HAPSTR1: variants seen among roughly 807,000 people sequenced by gnomAD.
The protein encoded by HAPSTR1 is HUWE1-associated protein modifying stress responses 1.
the HAPSTR1 span, among the ~76,000 whole-genome samples, chr16:9,095,115 A>G: frequency 6.6e-6 from 1 of 152,216 alleles, no homozygotes; most frequent in East Asian, 1.9e-4. Context: ...GTTAGTCTGA[A>G]CTAGTTTTAT....
chr16:9,092,852 C>T, the HAPSTR1 span: 16,373 of 1,400,690 alleles, frequency 0.012, 132 homozygotes, highest in Non-Finnish European at 0.013. Flanking sequence ...TTCTTGTTCT[C>T]TTTCTTTCTC....
the HAPSTR1 span, chr16:9,092,334 T>C: frequency 2.1e-5 from 27 of 1,283,998 alleles, no homozygotes; most frequent in African/African-American, 4.7e-5. Flanking sequence ...GCCCCGGCCC[T>C]ATCGGCTCAG....
the HAPSTR1 span, chr16:9,119,851 T>C: frequency 6.6e-6 from 1 of 152,248 alleles, no homozygotes; most frequent in Non-Finnish European, 1.5e-5. Context: ...ATTGTGGCTT[T>C]GGGCCTGAAG....
At chr16:9,092,901 T>C in the HAPSTR1 span, 1 of 1,544,070 alleles carries the variant, frequency 6.5e-7, no homozygotes, top group Non-Finnish European at 8.7e-7. Context: ...GGTTTTTTTT[T>C]TTTTTGGCTT....
chr16:9,092,254 G>T, the HAPSTR1 span: 1 of 1,569,236 alleles, frequency 6.4e-7, no homozygotes. Context: ...CCACCGCCGT[G>T]GCCCAGCTCT....
the HAPSTR1 span, chr16:9,091,883 C>T: frequency 1.0e-5 from 5 of 489,714 alleles, no homozygotes; most frequent in South Asian, 1.9e-4. Flanking sequence ...GGGCGGGGCT[C>T]GCCGGCCGTC....
the HAPSTR1 span, chr16:9,103,416 A>T: frequency 1.7e-3 from 1,307 of 749,126 alleles, 18 homozygotes; most frequent in African/African-American, 0.02. Context: ...CTAAGAACTT[A>T]ATATGGGCGA....
At chr16:9,101,670 T>G in the HAPSTR1 span, among the ~76,000 whole-genome samples, 1 of 152,198 alleles carries the variant, frequency 6.6e-6, no homozygotes, top group Non-Finnish European at 1.5e-5. Flanking sequence ...AAGTTCTGGT[T>G]GTTGTGCTTC....
the HAPSTR1 span, chr16:9,118,883 C>G: frequency 6.5e-6 from 1 of 152,716 alleles, no homozygotes; most frequent in South Asian, 2.1e-4. Context: ...GCTCCTCTTT[C>G]CACGTTGGAT....
the HAPSTR1 span, among the ~76,000 whole-genome samples, chr16:9,096,926 T>C: frequency 2.0e-5 from 3 of 152,174 alleles, no homozygotes; most frequent in Non-Finnish European, 2.9e-5. Flanking sequence ...GACTGCTTTT[T>C]TTGTGTGTAG....
the HAPSTR1 span, among the ~76,000 whole-genome samples, chr16:9,096,847 T>A: frequency 2.4e-4 from 36 of 152,300 alleles, no homozygotes; most frequent in African/African-American, 7.0e-4. Flanking sequence ...AATTTTTTTT[T>A]AATGAAAAAA....
the HAPSTR1 span, chr16:9,120,759 C>T: frequency 6.9e-6 from 1 of 145,428 alleles, no homozygotes; most frequent in Non-Finnish European, 1.5e-5. Flanking sequence ...CTCACCACAA[C>T]CTCTGCCTCC....
At chr16:9,094,062 A>C in the HAPSTR1 span, among the ~76,000 whole-genome samples, 2 of 152,076 alleles carry the variant, frequency 1.3e-5, no homozygotes, top group African/African-American at 2.4e-5. Context: ...CAAGTTGTTA[A>C]TTTTTGCATA....
chr16:9,116,881 C>T, the HAPSTR1 span: 5 of 1,614,144 alleles, frequency 3.1e-6, no homozygotes, highest in Non-Finnish European at 4.2e-6. Context: ...ATTACAGACT[C>T]ACCAACCCAT....
chr16:9,096,964 C>G, the HAPSTR1 span, among the ~76,000 whole-genome samples: 1 of 151,880 alleles, frequency 6.6e-6, no homozygotes, highest in Admixed American at 6.6e-5. Flanking sequence ...TTTTTGGAGA[C>G]GAAGTCTCGC....
chr16:9,117,238 A>C, the HAPSTR1 span: 1 of 237,276 alleles, frequency 4.2e-6, no homozygotes, highest in Non-Finnish European at 8.2e-6. Flanking sequence ...GAAATATCAG[A>C]TGTTTATTTG....
At chr16:9,098,663 C>T in the HAPSTR1 span, among the ~76,000 whole-genome samples, 2 of 152,140 alleles carry the variant, frequency 1.3e-5, no homozygotes, top group African/African-American at 2.4e-5. Flanking sequence ...TCTACCCTTC[C>T]TCCCAAAAAA....
chr16:9,104,332 A>T, the HAPSTR1 span: 1 of 152,082 alleles, frequency 6.6e-6, no homozygotes, highest in African/African-American at 2.4e-5. Context: ...CGAACTCCCA[A>T]CCTCAGGTGA....
the HAPSTR1 span, chr16:9,112,248 A>G: frequency 1.3e-5 from 2 of 152,210 alleles, no homozygotes; most frequent in Admixed American, 1.3e-4. Context: ...TCAGAACACA[A>G]CTTTGTGCAA....
Sources: gnomAD v4.1 joint callset for allele counts (sites outside exome capture counted in the v4.1 genomes callset) on GRCh38, gnomAD v4.1.1 for gene constraint, MANE v1.5 for transcripts, NCBI Gene and HGNC (gene_info 2026-07-23, HGNC 2026-07-21) for gene names.